Variants in CYP4F11 observed in about 807,000 individuals in gnomAD.
CYP4F11 encodes cytochrome P450 4F11.
Under a neutral mutation model 62.2 loss-of-function variants are expected in CYP4F11, and 79 were observed. The observed-to-expected ratio is 1.27, with a 90% CI of 1.06 to 1.53. The LOEUF (loss-of-function observed/expected upper bound fraction) is 1.53, where lower values mean the gene tolerates loss of function less well. CYP4F11 is among the 40% of genes most tolerant of loss of function. CYP4F11 has a pLI of 0.00. For missense variants in CYP4F11, 777 were observed against 680.5 expected (o/e 1.14, Z -1.58); for synonymous variants, 290 against 263.7 (o/e 1.10, Z -0.97).
At chr19:15,925,017 C>A in intron 4 of CYP4F11, 135 bp from the exon 5 acceptor site, 2 of 1,022,164 alleles carry the variant, frequency 2.0e-6, no homozygotes, top group Admixed American at 3.1e-5. Flanking sequence ...CAGGAAGGAC[C>A]AGCCTTGGAT....
Position 15,922,252 on chromosome 19 carries a change from G to A in CYP4F11, c.986-86C>T, listed in dbSNP as rs563588806. 6 of 1,598,018 alleles carry A rather than the reference G, an allele frequency of 3.8e-6. No homozygotes were observed. In the African/African-American group the frequency reaches 4.0e-5, roughly 11 times the overall value. On this transcript the variant is annotated intron_variant, in intron 7 of 11. Coordinates refer to ENST00000402119, the MANE Select transcript of CYP4F11 (RefSeq NM_021187.4). ...CACCCAAACTCTGAGGCCCTCAGGA[G>A]AATGTAGGGAGGAGGAGGATGGGCA...
rs1483549906 is a variant in CYP4F11, at chr19:15,912,634, A to C, written c.*1098T>G. The C allele has an allele frequency of 7.1e-6, 1 of 140,464 alleles. No individual in the cohort carries two copies. The highest frequency in any genetic ancestry group is 2.7e-5 in the African/African-American group (1 of 36,938). 8.7% of individuals were successfully genotyped at this position (140,464 alleles called of 1,614,324 possible). ...CTGAGGTTTCTCTCATTCTCCTACC[A>C]CCTCACACAGTCAGGTACCTTCACC... On this transcript the variant is annotated 3_prime_UTR_variant, in exon 12 of 12. Coordinates refer to ENST00000402119, the MANE Select transcript of CYP4F11 (RefSeq NM_021187.4).
At position 15,921,054 on chromosome 19, in the gene CYP4F11, GTCTCTC is replaced by G. The variant is rs60842401; in HGVS notation, c.1115+977_1115+982del. 9.7e-3 allele frequency among the ~76,000 whole-genome samples: 1,182 copies of G among 122,126 alleles called. 5 individuals carry two copies. The highest frequency in any genetic ancestry group is 0.012 in the Middle Eastern group (3 of 248). 80.1% of individuals were successfully genotyped at this position (122,126 alleles called of 152,430 possible). On this transcript the variant is annotated intron_variant, in intron 8 of 11. Transcript: ENST00000402119. The stretch of plus-strand genomic sequence containing the variant: ...TTGGTCTCTCTCTCTCTCTCTTTCT[GTCTCTC>G]TCTCTCTCTCTCTCTCTCTCTCTCT...
At position 15,912,709 on chromosome 19, in the gene CYP4F11, GTGTGTGTGT is replaced by G. The variant is rs2089542794; in HGVS notation, c.*1014_*1022del. ...TATATATATATATATGTGTGTGTGT[GTGTGTGTGT>G]GTGTGTGTGTGTGTGTATATGTATA... On this transcript the variant is annotated 3_prime_UTR_variant, in exon 12 of 12. Transcript: ENST00000402119. The G allele has an allele frequency of 1.3e-5, 1 of 75,706 alleles. No individual in the cohort carries two copies. Among genetic ancestry groups the G allele is most frequent in the African/African-American group, 5.3e-5 (1 of 18,736 alleles). The allele number at this position is 75,706 out of a possible 1,614,324, so 4.7% of individuals were successfully genotyped here.
At chr19:15,920,939 C>T (rs2089621351) in intron 8 of CYP4F11, among the ~76,000 whole-genome samples, 1 of 151,776 alleles carries the variant, frequency 6.6e-6, no homozygotes. Context: ...TCTCCATTCT[C>T]TTTTTATGAC....
rs528874674 is a variant in CYP4F11 at position 15,930,524 on chromosome 19, G to A, written c.199-923C>T. 5.9e-5 allele frequency among the ~76,000 whole-genome samples: 9 copies of A among 152,202 alleles called. No homozygotes were observed. In the East Asian group the frequency reaches 7.7e-4, roughly 13 times the overall value. The stretch of plus-strand genomic sequence containing the variant: ...GGAGAATCACTTGAACCTGGGAGGC[G>A]GAGGTTGCAGTGAGCTGAGATCGCA... On this transcript the variant is annotated intron_variant, in intron 1 of 11. Coordinates refer to ENST00000402119, the MANE Select transcript of CYP4F11 (RefSeq NM_021187.4).
At position 15,912,835 on chromosome 19, in the gene CYP4F11, G is replaced by A. The variant is rs1160823063; in HGVS notation, c.*897C>T. On this transcript the variant is annotated 3_prime_UTR_variant, in exon 12 of 12. Transcript: ENST00000402119. ...ATCTTATATGCACAGCCCTCTAGGA[G>A]AAGAGGTTGTTCAAGGAGCACAGAT... is the stretch of plus-strand genomic sequence containing the variant. The A allele has an allele frequency of 6.8e-6, 1 of 146,710 alleles. No homozygotes were observed. Among genetic ancestry groups the A allele is most frequent in the Non-Finnish European group, 1.5e-5 (1 of 67,300 alleles). The allele number at this position is 146,710 out of a possible 1,614,324, so 9.1% of individuals were successfully genotyped here.
At position 15,934,370 on chromosome 19, in the gene CYP4F11, G is replaced by C. The variant is rs374913171; in HGVS notation, c.39C>G (p.Pro13=). 19 of 1,613,198 alleles carry C rather than the reference G, an allele frequency of 1.2e-5. No homozygotes were observed. The highest frequency in any genetic ancestry group is 9.3e-5 in the African/African-American group (7 of 74,872). Residue 13 remains proline (P), a synonymous_variant, in exon 1 of 12, where the codon CCC becomes CCG. Coordinates refer to ENST00000402119, the MANE Select transcript of CYP4F11 (RefSeq NM_021187.4). ...GAAGCAGCCACGGGGATGCTGCCACGGGCCCGAGGCCCAGCCAGGACAGGC... is the reference window on the plus strand; with the variant it reads ...GAAGCAGCCACGGGGATGCTGCCACCGGCCCGAGGCCCAGCCAGGACAGGC... ...QLSLSWLGLG[P]VAASPWLLLL... is the part of the protein sequence containing the mutation.
intron 8 of CYP4F11, 52 bp from the exon 9 acceptor site, chr19:15,914,947 C>T: frequency 6.3e-7 from 1 of 1,594,634 alleles, no homozygotes; most frequent in Non-Finnish European, 8.5e-7. Context: ...AGACACAATT[C>T]TCCAGCTTCT....
Position 15,922,108 on chromosome 19 carries a change from T to C in CYP4F11, c.1044A>G (p.Pro348=). ...CTTGCCGGCACTGTTCCTGGTATTC[T>C]GGGTGCTTTGCAAGGTGGTATAGGA... The part of the protein sequence containing the change: ...SWVLYHLAKH[P]EYQEQCRQEV... The change falls in exon 8 of 12, where the codon CCA becomes CCG. Residue 348 remains proline (P), a synonymous_variant. Coordinates refer to ENST00000402119, the MANE Select transcript of CYP4F11 (RefSeq NM_021187.4). 1.2e-6 allele frequency: 2 copies of C among 1,614,116 alleles called. No homozygotes were observed. The highest frequency in any genetic ancestry group is 2.2e-5 in the East Asian group (1 of 44,876).
At chr19:15,918,339 G>T (rs1443303520) in intron 8 of CYP4F11, among the ~76,000 whole-genome samples, 1 of 152,026 alleles carries the variant, frequency 6.6e-6, no homozygotes, top group Non-Finnish European at 1.5e-5. Context: ...ATGGATGCTG[G>T]GCTTAATACC....
At chr19:15,931,158 TAGGAGGAAGGTGCCTCCAGAAA>T (rs2089712466) in intron 1 of CYP4F11, among the ~76,000 whole-genome samples, 2 of 150,852 alleles carry the variant, frequency 1.3e-5, no homozygotes, top group Non-Finnish European at 2.9e-5. Flanking sequence ...AAGAGCAAGA[TAGGAGGAAGGTGCCTCCAGAAA>T]AGGAGGCAGC....
At chr19:15,924,150 G>T (rs1328373428) in intron 5 of CYP4F11, 68 bp from the exon 6 acceptor site, 1 of 1,545,644 alleles carries the variant, frequency 6.5e-7, no homozygotes, top group Non-Finnish European at 8.8e-7. Context: ...GCAGCTAGAA[G>T]CTACTGCCCA....
chr19:15,931,005 C>A (rs994747006), intron 1 of CYP4F11, among the ~76,000 whole-genome samples: 1 of 152,186 alleles, frequency 6.6e-6, no homozygotes, highest in African/African-American at 2.4e-5. Context: ...GTGAGCAGAC[C>A]AAGGCCATGT....
intron 8 of CYP4F11, among the ~76,000 whole-genome samples, chr19:15,921,054 GTCTCTCTCTCTC>G (rs60842401): frequency 2.1e-3 from 257 of 122,470 alleles, no homozygotes; most frequent in African/African-American, 5.2e-3. Context: ...CTCTCTTTCT[GTCTCTCTCTCTC>G]TCTCTCTCTC....
At position 15,927,212 on chromosome 19, in the gene CYP4F11, G is replaced by A. The variant is rs532024129; in HGVS notation, c.525C>T (p.His175=). 98 of 1,613,640 alleles carry A rather than the reference G, an allele frequency of 6.1e-5. No homozygotes were observed. The highest frequency in any genetic ancestry group is 5.8e-4 in the South Asian group (53 of 91,012). The change falls in exon 4 of 12, where the codon CAC becomes CAT. Residue 175 remains histidine, a splice_region_variant and synonymous_variant. Coordinates refer to ENST00000402119, the MANE Select transcript of CYP4F11 (RefSeq NM_021187.4). ...GGGACCCAGAGTTCAAGGGACTCACGTGCATGATGTTCACACTCTTGTTGA... is the reference window on the plus strand; with the variant it reads ...GGGACCCAGAGTTCAAGGGACTCACATGCATGATGTTCACACTCTTGTTGA... ...KIFNKSVNIM[H]DKWQRLASEG...
In CYP4F11 at chr19:15,924,848, G is replaced by T; in HGVS notation, c.560C>A (p.Ala187Asp). 1 of 1,612,742 alleles carries T rather than the reference G, an allele frequency of 6.2e-7. No individual in the cohort carries two copies. The highest frequency in any genetic ancestry group is 8.5e-7 in the Non-Finnish European group (1 of 1,179,154). ...KWQRLASEGSARLDMFEHISL... is the reference protein window; with the variant it reads ...KWQRLASEGSDRLDMFEHISL... ...GATGTGTTCAAACATGTCCAGTCTG[G>T]CGCTGCCCTCTGAGGCCAGGCGCTG... Residue 187 changes from alanine to aspartate, a missense_variant, in exon 5 of 12, where the codon GCC (alanine) becomes GAC (aspartate). Physicochemically the swap from Ala to Asp is moderately radical, Grantham distance 126 (BLOSUM62 -2). Transcript: ENST00000402119.
chr19:15,933,874 G>A (rs565602934), intron 1 of CYP4F11, among the ~76,000 whole-genome samples: 2 of 127,876 alleles, frequency 1.6e-5, no homozygotes, highest in African/African-American at 6.6e-5. Flanking sequence ...GCAGAGGAAT[G>A]AGTGAGCGAG....
intron 11 of CYP4F11, 121 bp from the exon 12 acceptor site, chr19:15,914,030 G>C: frequency 7.8e-7 from 1 of 1,286,986 alleles, no homozygotes; most frequent in South Asian, 1.4e-5. Context: ...AGAAAGAGGG[G>C]ATAAGTGTCC....
Sources: gnomAD v4.1 joint callset for allele counts (sites outside exome capture counted in the v4.1 genomes callset) on GRCh38, gnomAD v4.1.1 for gene constraint, MANE v1.5 for transcripts, NCBI Gene and HGNC (gene_info 2026-07-23, HGNC 2026-07-21) for gene names.